The following AOPEP variants were observed in gnomAD, a reference collection of about 807,000 sequenced individuals.
The protein encoded by AOPEP is aminopeptidase O (putative), also known as aminopeptidase O.
Under a neutral mutation model 98.1 loss-of-function variants are expected in AOPEP, and 77 were observed. That is an observed-to-expected ratio of 0.78 (90% CI 0.65 to 0.95). The LOEUF is 0.95. Among genes scored for constraint, AOPEP ranks in the 40% least tolerant of loss-of-function variants. The pLI, the probability that AOPEP is intolerant of heterozygous loss-of-function variation, is 0.00. For synonymous variants in AOPEP, 346 were observed against 365.3 expected (o/e 0.95, Z 0.60); for missense variants, 1,024 against 1,024.7 (o/e 1.00, Z 0.01).
intron 5 of AOPEP, among the ~76,000 whole-genome samples, chr9:94,840,831 G>A (rs1281154969): frequency 6.6e-6 from 1 of 151,760 alleles, no homozygotes; most frequent in Non-Finnish European, 1.5e-5. Context: ...ATGGTTTTTA[G>A]TGATGATTTC....
chr9:94,840,695 C>A (rs772010975), intron 5 of AOPEP, among the ~76,000 whole-genome samples: 1 of 152,004 alleles, frequency 6.6e-6, no homozygotes, highest in Non-Finnish European at 1.5e-5. Flanking sequence ...ACTATTTATG[C>A]TGTCTCTTTC....
At chr9:94,969,330 G>T (rs1382419230) in intron 10 of AOPEP, among the ~76,000 whole-genome samples, 1 of 151,920 alleles carries the variant, frequency 6.6e-6, no homozygotes, top group East Asian at 1.9e-4. Flanking sequence ...CCAATGTTTG[G>T]GGTTAAAATA....
chr9:95,109,366 G>A, the AOPEP span, among the ~76,000 whole-genome samples: 2 of 152,120 alleles, frequency 1.3e-5, no homozygotes, highest in Non-Finnish European at 2.9e-5. Flanking sequence ...TTATACATAA[G>A]CCTTTGCATG....
the AOPEP span, among the ~76,000 whole-genome samples, chr9:95,147,535 A>T: frequency 6.6e-6 from 1 of 152,210 alleles, no homozygotes; most frequent in Admixed American, 6.5e-5. Flanking sequence ...AAAGAAAAGA[A>T]AAGATGAAAC....
intron 11 of AOPEP, chr9:95,003,876 G>C (rs2061727203): frequency 6.4e-6 from 1 of 156,092 alleles, no homozygotes; most frequent in African/African-American, 2.4e-5. Context: ...GAGCAGACTT[G>C]TTGTTTGTTT....
chr9:95,042,343 CATAAATACATAAATAA>C (rs1488573224), intron 13 of AOPEP, among the ~76,000 whole-genome samples: 2 of 149,586 alleles, frequency 1.3e-5, no homozygotes, highest in African/African-American at 5.0e-5. Context: ...TAAATAAATA[CATAAATACATAAATAA>C]ATAAATAAAA....
intron 13 of AOPEP, among the ~76,000 whole-genome samples, chr9:95,016,141 T>A (rs867753016): frequency 1.3e-5 from 2 of 151,486 alleles, no homozygotes; most frequent in Admixed American, 1.3e-4. Flanking sequence ...TTTTTTTTTT[T>A]TCCCCCCACG....
chr9:94,800,834 C>T lies in AOPEP; in HGVS notation c.1196C>T (p.Pro399Leu), dbSNP rs746529939. The T allele has an allele frequency of 2.0e-5, 32 of 1,614,094 alleles. No individual in the cohort carries two copies. The Middle Eastern group carries it at 4.9e-4, about 25-fold the overall frequency. The change falls in exon 5 of 17, where the codon CCT (proline) becomes CTT (leucine). Residue 399 changes from proline to leucine, a missense_variant. Coordinates refer to ENST00000375315, the MANE Select transcript of AOPEP (RefSeq NM_001193329.3). ...NASATTQEIIPHRVFAPVCLT... is the reference protein window; with the variant it reads ...NASATTQEIILHRVFAPVCLT... ...TCTGCCACCACCCAGGAGATCATTC[C>T]TCATCGGGTCTTTGCCCCTGTGTGC...
rs1844884396 is a variant in AOPEP at position 94,788,293 on chromosome 9, G to C, written c.965-4472G>C. ...GGGATCCCCCTGTGTTGCCCAGGCT[G>C]GTCTTGAACTATTGGTCTCATGTGA... On this transcript the variant is annotated intron_variant, in intron 3 of 16. Transcript: ENST00000375315. Among the ~76,000 whole-genome samples, 3 of 151,984 alleles carry C rather than the reference G, an allele frequency of 2.0e-5. No individual in the cohort carries two copies. In the South Asian group the frequency reaches 6.2e-4, roughly 32 times the overall value.
At chr9:95,043,246 A>G (rs1178529698) in intron 13 of AOPEP, among the ~76,000 whole-genome samples, 1 of 146,294 alleles carries the variant, frequency 6.8e-6, no homozygotes, top group African/African-American at 2.4e-5. Flanking sequence ...ACAGATATAT[A>G]CAGATATATA....
rs2069652907 is a variant in AOPEP, at chr9:95,080,735, C to T, written c.2274C>T (p.Phe758=). 1 of 1,613,992 alleles carries T rather than the reference C, an allele frequency of 6.2e-7. No individual in the cohort carries two copies. The highest frequency in any genetic ancestry group is 1.1e-5 in the South Asian group (1 of 91,064). Residue 758 remains phenylalanine, a synonymous_variant, in exon 15 of 17, where the codon TTC becomes TTT. Transcript: ENST00000375315. ...GTGAACTCATTGTTAAGCACAAGTT[C>T]ACGAAAGCCTACAAAAGTGTGGAGA... ...RWCELIVKHK[F]TKAYKSVERF... is the part of the protein sequence containing the mutation.
chr9:94,907,751 T>A (rs111543737), intron 5 of AOPEP, among the ~76,000 whole-genome samples: 11 of 152,186 alleles, frequency 7.2e-5, no homozygotes, highest in African/African-American at 2.6e-4. Context: ...GGCATGTCCC[T>A]CTCAACAGCT....
At position 94,800,884 on chromosome 9, in the gene AOPEP, C is replaced by T. The variant is rs767581319; in HGVS notation, c.1246C>T (p.Leu416Phe). 1.9e-6 allele frequency: 3 copies of T among 1,614,176 alleles called. No individual in the cohort carries two copies. The highest frequency in any genetic ancestry group is 1.7e-5 in the Admixed American group (1 of 60,026). Reference sequence around the variant, plus strand: ...CCTCACGGGTGCCTGCCAAGAGACCCTTCTGCGGCTGATCCCTCCTTGCCT... The same window carrying T: ...CCTCACGGGTGCCTGCCAAGAGACCTTTCTGCGGCTGATCCCTCCTTGCCT... Reference protein sequence around the residue: ...VCLTGACQETLLRLIPPCLSA... With the variant: ...VCLTGACQETFLRLIPPCLSA... Residue 416 changes from leucine to phenylalanine, a missense_variant, in exon 5 of 17, where the codon CTT (leucine) becomes TTT (phenylalanine). By Grantham distance (22) the Leu-to-Phe change is conservative (BLOSUM62 0). Transcript: ENST00000375315.
chr9:95,043,303 C>T (rs1214495332), intron 13 of AOPEP, among the ~76,000 whole-genome samples: 1 of 103,770 alleles, frequency 9.6e-6, no homozygotes, highest in Non-Finnish European at 2.2e-5. Context: ...TGTATATGCA[C>T]ATATACAGAT....
At chr9:95,095,243 G>A in the AOPEP span, among the ~76,000 whole-genome samples, 2 of 152,110 alleles carry the variant, frequency 1.3e-5, no homozygotes, top group Non-Finnish European at 1.5e-5. Context: ...GCTGTCCTCC[G>A]AAAAGGTGGT....
At chr9:94,871,714 C>T (rs1308439387) in intron 5 of AOPEP, among the ~76,000 whole-genome samples, 6 of 151,788 alleles carry the variant, frequency 4.0e-5, no homozygotes, top group Admixed American at 1.3e-4. Context: ...ATCAAAGTAA[C>T]AAGAAATATG....
At chr9:94,964,790 C>T (rs1589104921) in intron 9 of AOPEP, among the ~76,000 whole-genome samples, 1 of 151,982 alleles carries the variant, frequency 6.6e-6, no homozygotes, top group Non-Finnish European at 1.5e-5. Flanking sequence ...CAGGTGCCCA[C>T]CAACCCACCC....
intron 13 of AOPEP, among the ~76,000 whole-genome samples, chr9:95,047,811 A>C (rs2065977386): frequency 6.6e-6 from 1 of 152,240 alleles, no homozygotes; most frequent in African/African-American, 2.4e-5. Flanking sequence ...CTGGTTGTTT[A>C]GGATGAAGAT....
At chr9:94,848,546 C>T (rs1483234183) in intron 5 of AOPEP, among the ~76,000 whole-genome samples, 5 of 151,734 alleles carry the variant, frequency 3.3e-5, no homozygotes, top group Non-Finnish European at 5.9e-5. Flanking sequence ...CGCTTGAACC[C>T]GGGAGGCAGA....
Sources: allele counts gnomAD v4.1 joint callset (sites outside exome capture counted in the v4.1 genomes callset), GRCh38; gene constraint gnomAD v4.1.1; transcripts MANE v1.5; gene names NCBI Gene and HGNC (gene_info 2026-07-23, HGNC 2026-07-21).